CNBD1: variants seen among roughly 807,000 people sequenced by gnomAD.
CNBD1 encodes the protein cyclic nucleotide binding domain containing 1, also known as cyclic nucleotide-binding domain-containing protein 1.
A neutral mutation model predicts 54.4 loss-of-function variants in CNBD1; 71 were observed. The observed-to-expected ratio is 1.30, with a 90% CI of 1.08 to 1.59. The LOEUF (loss-of-function observed/expected upper bound fraction) is 1.59, where lower values mean the gene tolerates loss of function less well. CNBD1 is among the 40% of genes most tolerant of loss of function. CNBD1 has a pLI of 0.00. For missense variants in CNBD1, 659 were observed against 518.0 expected (o/e 1.27, Z -2.64); for synonymous variants, 182 against 170.7 (o/e 1.07, Z -0.51).
In CNBD1 at chr8:87,081,827, G is replaced by A. The variant is rs541705502; in HGVS notation, c.432-124166G>A. 9.7e-4 allele frequency among the ~76,000 whole-genome samples: 148 copies of A among 152,160 alleles called. 1 individual carries two copies. The highest frequency in any genetic ancestry group is 1.8e-3 in the Non-Finnish European group (120 of 67,998). The stretch of plus-strand genomic sequence containing the variant: ...GGCCTGGATGGACTGTTTTATAAAT[G>A]AAAATTAATTCAAATAGGCTGATAA... On this transcript the variant is annotated intron_variant, in intron 4 of 10. Transcript: ENST00000518476.
chr8:87,041,755 T>TGC lies in CNBD1; in HGVS notation c.431+102002_431+102003dup, dbSNP rs1344697594. On this transcript the variant is annotated intron_variant, in intron 4 of 10. Coordinates refer to ENST00000518476, the MANE Select transcript of CNBD1 (RefSeq NM_173538.3). ...CGGAGCTTGCAGTGAGCCAAGATCA[T>TGC]GCCACTGCACTCCAGCCCGAGCGAC... Among the ~76,000 whole-genome samples the TGC allele has an allele frequency of 3.9e-5, 6 of 151,944 alleles. No homozygotes were observed. In the East Asian group the frequency reaches 5.8e-4, roughly 15 times the overall value.
chr8:87,353,759 G>A lies in CNBD1; in HGVS notation c.1276G>A (p.Ala426Thr). 1 of 1,609,468 alleles carries A rather than the reference G, an allele frequency of 6.2e-7. No individual in the cohort carries two copies. Among genetic ancestry groups the A allele is most frequent in the Non-Finnish European group, 8.5e-7 (1 of 1,177,900 alleles). The change falls in exon 10 of 11, where the codon GCA becomes ACA. Residue 426 changes from alanine (A) to threonine (T), a missense_variant. Coordinates refer to ENST00000518476, the MANE Select transcript of CNBD1 (RefSeq NM_173538.3). Reference protein sequence around the residue: ...TIITKKEVEMAIIEDKDLFVA With the variant: ...TIITKKEVEMTIIEDKDLFVA The stretch of plus-strand genomic sequence containing the variant: ...CATTACCAAAAAAGAAGTTGAGATG[G>A]CAATCATTGAAGATAAGGACCTATT...
intron 2 of CNBD1, among the ~76,000 whole-genome samples, chr8:87,420,889 T>C (rs150671371): frequency 2.4e-3 from 365 of 152,194 alleles, no homozygotes; most frequent in African/African-American, 8.5e-3. Context: ...ATGATCCTTT[T>C]GTATCTCCCT....
chr8:87,242,948 A>T (rs973319255), intron 6 of CNBD1, among the ~76,000 whole-genome samples: 2 of 152,218 alleles, frequency 1.3e-5, no homozygotes, highest in Non-Finnish European at 2.9e-5. Context: ...GAAAAAGGAC[A>T]GGGTGGAGGG....
chr8:86,875,261 G>A (rs2957794), intron 1 of CNBD1, among the ~76,000 whole-genome samples: 104,928 of 151,728 alleles, frequency 0.69, 36,840 homozygotes, highest in African/African-American at 0.8. Context: ...ACACCTCGCA[G>A]CTGTCCTCCT....
chr8:87,094,725 G>T (rs1184142528), intron 4 of CNBD1, among the ~76,000 whole-genome samples: 1 of 152,064 alleles, frequency 6.6e-6, no homozygotes, highest in Non-Finnish European at 1.5e-5. Context: ...GCCCAGTGGT[G>T]TTTCTGTTAA....
chr8:87,378,345 G>C (rs1298654488), intron 10 of CNBD1, among the ~76,000 whole-genome samples: 1 of 148,048 alleles, frequency 6.8e-6, no homozygotes, highest in Non-Finnish European at 1.5e-5. Context: ...GTGTAAGGAA[G>C]GGATCCAGTT....
chr8:87,010,355 GCTTTGTTTTATATCTAATATGTGGT>G, intron 4 of CNBD1, among the ~76,000 whole-genome samples: 1 of 152,026 alleles, frequency 6.6e-6, no homozygotes. Context: ...ATTTTCTAAT[GCTTTGTTTTATATCTAATATGTGGT>G]TAAATCCATC....
At chr8:87,379,943 C>G (rs922762416) in intron 10 of CNBD1, among the ~76,000 whole-genome samples, 11 of 147,818 alleles carry the variant, frequency 7.4e-5, no homozygotes, top group African/African-American at 2.4e-4. Context: ...TTACCAGAAA[C>G]CAGTTAGAAA....
intron 4 of CNBD1, among the ~76,000 whole-genome samples, chr8:87,188,128 T>C (rs1434133808): frequency 6.6e-6 from 1 of 152,202 alleles, no homozygotes; most frequent in Non-Finnish European, 1.5e-5. Context: ...AACACTGATA[T>C]ATCCTCTCTT....
chr8:87,162,746 A>T (rs2130760851), intron 4 of CNBD1, among the ~76,000 whole-genome samples: 1 of 152,146 alleles, frequency 6.6e-6, no homozygotes, highest in South Asian at 2.1e-4. Context: ...CTTCCTCTGG[A>T]CAAAAGGAAT....
At chr8:86,941,533 T>C (rs1809656856) in intron 4 of CNBD1, among the ~76,000 whole-genome samples, 1 of 152,158 alleles carries the variant, frequency 6.6e-6, no homozygotes, top group Non-Finnish European at 1.5e-5. Flanking sequence ...TCTTTTTTAC[T>C]ATAGTGAGAT....
At chr8:87,128,012 G>A (rs1474829161) in intron 4 of CNBD1, among the ~76,000 whole-genome samples, 3 of 152,144 alleles carry the variant, frequency 2.0e-5, no homozygotes, top group African/African-American at 4.8e-5. Context: ...AGAATGGCAC[G>A]ATAAAGAGAA....
chr8:87,334,026 C>T (rs536225353), intron 8 of CNBD1, among the ~76,000 whole-genome samples: 30 of 151,790 alleles, frequency 2.0e-4, no homozygotes, highest in East Asian at 3.9e-4. Context: ...GTTTTTTGGT[C>T]GGTAGGCTGT....
intron 4 of CNBD1, among the ~76,000 whole-genome samples, chr8:87,073,453 T>A (rs1028534378): frequency 1.3e-5 from 2 of 151,922 alleles, no homozygotes; most frequent in Non-Finnish European, 2.9e-5. Flanking sequence ...TTTTGATCTT[T>A]GAGGTTGCTG....
chr8:87,412,175 G>A (rs542633549), intron 2 of CNBD1, among the ~76,000 whole-genome samples: 2 of 151,962 alleles, frequency 1.3e-5, no homozygotes, highest in African/African-American at 2.4e-5. Flanking sequence ...CATTTTGTCT[G>A]CTTAAGGCAA....
chr8:86,872,115 C>G (rs2453442), intron 1 of CNBD1, among the ~76,000 whole-genome samples: 104,984 of 152,032 alleles, frequency 0.69, 36,842 homozygotes, highest in African/African-American at 0.8. Context: ...ACTGTTAACT[C>G]TACCTTAATC....
At chr8:87,374,532 C>T (rs1260183832) in intron 10 of CNBD1, among the ~76,000 whole-genome samples, 1 of 151,584 alleles carries the variant, frequency 6.6e-6, no homozygotes, top group South Asian at 2.1e-4. Context: ...ACTGGTACAC[C>T]TTGTATGGAA....
At chr8:86,894,877 T>C (rs1340480936) in intron 2 of CNBD1, among the ~76,000 whole-genome samples, 1 of 152,072 alleles carries the variant, frequency 6.6e-6, no homozygotes, top group Non-Finnish European at 1.5e-5. Flanking sequence ...ATAAAGAAAA[T>C]AAATTTATTT....
Sources: allele counts gnomAD v4.1 joint callset (sites outside exome capture counted in the v4.1 genomes callset), GRCh38; gene constraint gnomAD v4.1.1; transcripts MANE v1.5; gene names NCBI Gene and HGNC (gene_info 2026-07-23, HGNC 2026-07-21).